The following MGAT4A variants were observed in gnomAD, a reference collection of about 807,000 sequenced individuals.
MGAT4A encodes the protein N-acetylglucosaminyltransferase IVa.
A neutral mutation model predicts 74.1 loss-of-function variants in MGAT4A; 33 were observed. That is an observed-to-expected ratio of 0.45 (90% CI 0.34 to 0.60). The LOEUF (loss-of-function observed/expected upper bound fraction) is 0.60. MGAT4A is among the 20% of genes least tolerant of loss of function. The pLI is 0.02. For missense variants in MGAT4A, 479 were observed against 628.3 expected (o/e 0.76, Z 2.54); for synonymous variants, 198 against 210.4 (o/e 0.94, Z 0.51).
chr2:98,716,638 C>T (rs1306375995), intron 2 of MGAT4A, among the ~76,000 whole-genome samples: 1 of 152,086 alleles, frequency 6.6e-6, no homozygotes, highest in Non-Finnish European at 1.5e-5. Context: ...AAAGAAAGGA[C>T]ATAACATCAA....
At chr2:98,721,018 A>C (rs920347995) in intron 2 of MGAT4A, among the ~76,000 whole-genome samples, 1 of 152,240 alleles carries the variant, frequency 6.6e-6, no homozygotes, top group Non-Finnish European at 1.5e-5. Context: ...AAAGTCAAAC[A>C]CAAGAAAATC....
rs937834493 is a variant in MGAT4A at position 98,648,585 on chromosome 2, G to A, written c.775-3043C>T. On this transcript the variant is annotated intron_variant, in intron 8 of 15. Transcript: ENST00000393487. Reference sequence around the variant, plus strand: ...AAAAAAAAAATTAGCCAGGCATGGTGGTGCATGTCTGTGGCCCCAGCCGCA... The same window carrying A: ...AAAAAAAAAATTAGCCAGGCATGGTAGTGCATGTCTGTGGCCCCAGCCGCA... Among the ~76,000 whole-genome samples, 10 of 151,934 alleles carry A rather than the reference G, an allele frequency of 6.6e-5. 1 individual carries two copies. The highest frequency in any genetic ancestry group is 2.2e-4 in the African/African-American group (9 of 41,350).
chr2:98,669,952 C>T (rs979149260), intron 4 of MGAT4A, among the ~76,000 whole-genome samples: 1 of 152,164 alleles, frequency 6.6e-6, no homozygotes, highest in African/African-American at 2.4e-5. Context: ...TGGATCCCTG[C>T]ATGACTGGTC....
At chr2:98,642,287 G>C (rs1026467281) in intron 10 of MGAT4A, among the ~76,000 whole-genome samples, 6 of 152,134 alleles carry the variant, frequency 3.9e-5, no homozygotes, top group African/African-American at 1.4e-4. Context: ...TCACTCCAGT[G>C]GCAATGGAAG....
chr2:98,704,242 C>T (rs1434531685), intron 2 of MGAT4A, among the ~76,000 whole-genome samples: 2 of 152,134 alleles, frequency 1.3e-5, no homozygotes, highest in Admixed American at 6.5e-5. Flanking sequence ...ACTATGCCGG[C>T]CTATGTAAAA....
Position 98,624,965 on chromosome 2 carries a change from G to A in MGAT4A, c.*601C>T, listed in dbSNP as rs1701122793. Reference sequence around the variant, plus strand: ...TCTATAATCAATCTTAAATGGCAGTGCATTTGAAAAATGGCATTGGTTTGT... The same window carrying A: ...TCTATAATCAATCTTAAATGGCAGTACATTTGAAAAATGGCATTGGTTTGT... On this transcript the variant is annotated 3_prime_UTR_variant, in exon 16 of 16. Coordinates refer to ENST00000393487, the MANE Select transcript of MGAT4A (RefSeq NM_012214.3). 1.0e-6 allele frequency: 1 copy of A among 985,142 alleles called. No homozygotes were observed. Among genetic ancestry groups the A allele is most frequent in the Non-Finnish European group, 1.2e-6 (1 of 829,468 alleles). 61.0% of individuals were successfully genotyped at this position (985,142 alleles called of 1,614,324 possible).
At position 98,678,428 on chromosome 2, in the gene MGAT4A, T is replaced by C; in HGVS notation, c.138A>G (p.Glu46=). 1 of 1,588,586 alleles carries C rather than the reference T, an allele frequency of 6.3e-7. No individual in the cohort carries two copies. The highest frequency in any genetic ancestry group is 8.6e-7 in the Non-Finnish European group (1 of 1,163,316). ...TTCTGTGTTCAGCTATTCGAAGACG[T>C]TCTTTCAAAGCAAGGAATTCTCGTT... The part of the protein sequence containing the change: ...AYQREFLALK[E]RLRIAEHRIS... The change falls in exon 3 of 16, where the codon GAA becomes GAG. Residue 46 remains glutamate (E), a synonymous_variant. Coordinates refer to ENST00000393487, the MANE Select transcript of MGAT4A (RefSeq NM_012214.3).
chr2:98,691,799 TG>T (rs779850589), intron 2 of MGAT4A, among the ~76,000 whole-genome samples: 15 of 152,168 alleles, frequency 9.9e-5, no homozygotes, highest in Non-Finnish European at 2.1e-4. Context: ...GCTTCATGTG[TG>T]TTACCGCCCC....
chr2:98,711,519 C>A (rs1345818435), intron 2 of MGAT4A, among the ~76,000 whole-genome samples: 1 of 151,796 alleles, frequency 6.6e-6, no homozygotes, highest in Non-Finnish European at 1.5e-5. Context: ...TGAAAAAGCC[C>A]ATAGTATTGC....
In MGAT4A at chr2:98,621,774, C is replaced by T. The variant is rs1202649724; in HGVS notation, c.*3792G>A. ...TTTGAGGGACAGCACTGTTGGGAGA[C>T]AACCTCTTTTTCATTATTATGATAG... On this transcript the variant is annotated 3_prime_UTR_variant, in exon 16 of 16. Transcript: ENST00000393487. The T allele has an allele frequency of 8.7e-7, 1 of 1,146,612 alleles. No homozygotes were observed. The highest frequency in any genetic ancestry group is 1.1e-6 in the Non-Finnish European group (1 of 934,590). 71.0% of individuals were successfully genotyped at this position (1,146,612 alleles called of 1,614,324 possible). A position where few individuals can be genotyped will look rare whatever the true frequency, so the allele number is the denominator to read the frequency against.
intron 2 of MGAT4A, among the ~76,000 whole-genome samples, chr2:98,682,113 TAATG>T (rs1391950735): frequency 6.6e-6 from 1 of 151,980 alleles, no homozygotes; most frequent in Non-Finnish European, 1.5e-5. Context: ...GTAGAAGAAA[TAATG>T]AACATTAGAA....
chr2:98,625,873 G>A (rs1355389312), intron 14 of MGAT4A, 38 bp from the exon 15 acceptor site: 6 of 1,431,362 alleles, frequency 4.2e-6, no homozygotes, highest in East Asian at 2.3e-5. Context: ...GATACACCGA[G>A]ATAAGCAAAC....
In MGAT4A at chr2:98,649,472, T is replaced by C. The variant is rs545140344; in HGVS notation, c.775-3930A>G. Among the ~76,000 whole-genome samples the C allele has an allele frequency of 3.3e-5, 5 of 152,286 alleles. 1 individual carries two copies. Among genetic ancestry groups the C allele is most frequent in the Admixed American group, 2.6e-4 (4 of 15,306 alleles). On this transcript the variant is annotated intron_variant, in intron 8 of 15. Coordinates refer to ENST00000393487, the MANE Select transcript of MGAT4A (RefSeq NM_012214.3). ...AGAAGTTGGTGTATACCCAGTGTTT[T>C]TGACTTTTTCGAGTGCAGCCAGAGG...
Position 98,731,094 on chromosome 2 carries a change from G to A in MGAT4A, c.-282C>T, listed in dbSNP as rs1441872669. ...TCCCGCGGCTGCCGGCGGAGCTGCTGTAGCCGCCGCCGCCGCTGCCGCCGC... is the reference window on the plus strand; with the variant it reads ...TCCCGCGGCTGCCGGCGGAGCTGCTATAGCCGCCGCCGCCGCTGCCGCCGC... On this transcript the variant is annotated 5_prime_UTR_variant, in exon 1 of 16. Coordinates refer to ENST00000393487, the MANE Select transcript of MGAT4A (RefSeq NM_012214.3). The surrounding 1 kb of genome is among the most constrained non-coding windows in gnomAD (Gnocchi z 4.8). The A allele has an allele frequency of 1.6e-4, 21 of 132,230 alleles. No homozygotes were observed. The highest frequency in any genetic ancestry group is 5.9e-4 in the African/African-American group (20 of 33,634). 8.2% of individuals were successfully genotyped at this position (132,230 alleles called of 1,614,324 possible). A position where few individuals can be genotyped will look rare whatever the true frequency, so the allele number is the denominator to read the frequency against.
intron 10 of MGAT4A, among the ~76,000 whole-genome samples, chr2:98,642,509 T>C (rs1701425160): frequency 6.6e-6 from 1 of 152,094 alleles, no homozygotes; most frequent in Non-Finnish European, 1.5e-5. Context: ...GTACCCAAAT[T>C]TATGGAGGAT....
At chr2:98,679,562 T>C (rs1045886360) in intron 2 of MGAT4A, among the ~76,000 whole-genome samples, 20 of 150,770 alleles carry the variant, frequency 1.3e-4, no homozygotes, top group Admixed American at 8.6e-4. Context: ...AGCCCAAGTA[T>C]TGGAGGCTAC....
chr2:98,666,190 G>C (rs1701827372), intron 4 of MGAT4A, among the ~76,000 whole-genome samples: 1 of 152,138 alleles, frequency 6.6e-6, no homozygotes, highest in African/African-American at 2.4e-5. Context: ...GGATGATGGA[G>C]ACCCTTGCAA....
rs1318423185 is a variant in MGAT4A at position 98,663,087 on chromosome 2, C to G, written c.496G>C (p.Glu166Gln). ...ACTATAACACAGTCCAACTTCTCTT[C>G]AGGATACAGGTTATCAATAAGGGAA... ...LHSLIDNLYPEEKLDCVIVVF... is the reference protein window; with the variant it reads ...LHSLIDNLYPQEKLDCVIVVF... The change falls in exon 5 of 16, where the codon GAA (glutamate) becomes CAA (glutamine). Residue 166 changes from glutamate (E) to glutamine (Q), a missense_variant. Transcript: ENST00000393487. 6.3e-7 allele frequency: 1 copy of G among 1,593,512 alleles called. No individual in the cohort carries two copies. The highest frequency in any genetic ancestry group is 8.6e-7 in the Non-Finnish European group (1 of 1,167,770).
Position 98,621,889 on chromosome 2 carries a change from G to C in MGAT4A, c.*3677C>G. 1.0e-6 allele frequency: 1 copy of C among 1,001,052 alleles called. No individual in the cohort carries two copies. Among genetic ancestry groups the C allele is most frequent in the Non-Finnish European group, 1.2e-6 (1 of 839,896 alleles). The allele number at this position is 1,001,052 out of a possible 1,614,324, so 62.0% of individuals were successfully genotyped here. A position where few individuals can be genotyped will look rare whatever the true frequency, so the allele number is the denominator to read the frequency against. ...ACTAGTGCAACCACTGATTTGAGAA[G>C]ATACACACTTTGTTCAAGGGTATTC... On this transcript the variant is annotated 3_prime_UTR_variant, in exon 16 of 16. Transcript: ENST00000393487.
Sources: allele counts gnomAD v4.1 joint callset (sites outside exome capture counted in the v4.1 genomes callset), GRCh38; gene constraint gnomAD v4.1.1; non-coding constraint Gnocchi (gnomAD v3.1); transcripts MANE v1.5; gene names NCBI Gene and HGNC (gene_info 2026-07-23, HGNC 2026-07-21).